Variants in GPR22 observed in about 807,000 individuals in gnomAD.
The protein encoded by GPR22 is G protein-coupled receptor 22.
GPR22 carries 13 observed loss-of-function variants against 31.0 expected under a neutral mutation model. The ratio of observed to expected loss-of-function variants is 0.42; its 90% confidence interval spans 0.27 to 0.67. The LOEUF (loss-of-function observed/expected upper bound fraction) is 0.67. Ranked by LOEUF, GPR22 falls within the 30% of genes least tolerant of loss-of-function variation. The probability of loss-of-function intolerance (pLI) is 0.25; values close to 1 mark genes in which losing one functional copy is unlikely to be tolerated. For missense variants in GPR22, 368 were observed against 509.6 expected, an observed-to-expected ratio of 0.72 and a Z score of 2.67; for synonymous variants, 191 against 173.4, an observed-to-expected ratio of 1.10 and a Z score of -0.80.
chr7:107,474,147 T>C lies in GPR22; in HGVS notation c.87T>C (p.Asn29=), dbSNP rs921607179. The part of the protein sequence containing the change: ...VRDDIDDINT[N]MYQPLSYPLS... ...ATGACATTGATGACATCAACACCAA[T>C]ATGTACCAACCACTATCATATCCGT... Residue 29 remains asparagine (N), a synonymous_variant, in exon 3 of 3, where the codon AAT becomes AAC. Transcript: ENST00000304402. The surrounding 1 kb of genome is among the most constrained non-coding windows in gnomAD (Gnocchi z 5.7). The C allele has an allele frequency of 7.5e-6, 12 of 1,609,932 alleles. No homozygotes were observed. Among genetic ancestry groups the C allele is most frequent in the Non-Finnish European group, 8.5e-6 (10 of 1,176,502 alleles).
Position 107,474,770 on chromosome 7 carries a change from C to T in GPR22, c.710C>T (p.Ala237Val). 1 of 1,610,744 alleles carries T rather than the reference C, an allele frequency of 6.2e-7. No individual in the cohort carries two copies. The highest frequency in any genetic ancestry group is 8.5e-7 in the Non-Finnish European group (1 of 1,178,456). ...MLITYTKILQ[A>V]LNIRIGTRFS... Reference sequence around the variant, plus strand: ...ATCACATACACCAAAATACTTCAGGCTCTTAATATTCGAATAGGCACAAGA... The same window carrying T: ...ATCACATACACCAAAATACTTCAGGTTCTTAATATTCGAATAGGCACAAGA... The change falls in exon 3 of 3, where the codon GCT becomes GTT. Residue 237 changes from alanine to valine, a missense_variant. Coordinates refer to ENST00000304402, the MANE Select transcript of GPR22 (RefSeq NM_005295.3). This position sits in a 1 kb window ranked among gnomAD's most constrained non-coding sequence, Gnocchi z 5.7.
At chr7:107,475,847 G>A (rs1029202985), downstream of GPR22, among the ~76,000 whole-genome samples, 1 of 151,300 alleles carries the variant, frequency 6.6e-6, no homozygotes, top group African/African-American at 2.4e-5. Context: ...TATGTTTCCT[G>A]GTATAGTGTA....
In GPR22 at chr7:107,474,626, C is replaced by G. The variant is rs763508287; in HGVS notation, c.566C>G (p.Thr189Ser). 1 of 1,610,494 alleles carries G rather than the reference C, an allele frequency of 6.2e-7. No individual in the cohort carries two copies. The highest frequency in any genetic ancestry group is 1.1e-5 in the South Asian group (1 of 90,726). ...TTTTTCAGTCTTCAAAGTGGAAATACCTGGGAAAACAAGACACTTTTATGT... is the reference window on the plus strand; with the variant it reads ...TTTTTCAGTCTTCAAAGTGGAAATAGCTGGGAAAACAAGACACTTTTATGT... ...VNFFSLQSGN[T>S]WENKTLLCVS... The change falls in exon 3 of 3, where the codon ACC becomes AGC. Residue 189 changes from threonine (T) to serine (S), a missense_variant. Transcript: ENST00000304402. This position sits in a 1 kb window ranked among gnomAD's most constrained non-coding sequence, Gnocchi z 5.7.
At chr7:107,471,173 T>C (rs1796611402) in intron 1 of GPR22, among the ~76,000 whole-genome samples, 199 bp from the exon 2 acceptor site, 1 of 152,072 alleles carries the variant, frequency 6.6e-6, no homozygotes, top group Non-Finnish European at 1.5e-5. Context: ...TTAAATAACA[T>C]AATATATACA....
Position 107,475,364 on chromosome 7 carries a change from GAA to G in GPR22, c.*5_*6del. ...GTGCCTCAGGTTGTCACAGACTAGA[GAA>G]AAGTCTCAGTTTCACCAAATCCACA... On this transcript the variant is annotated 3_prime_UTR_variant, in exon 3 of 3. Transcript: ENST00000304402. The G allele has an allele frequency of 7.2e-7, 1 of 1,382,306 alleles. No homozygotes were observed. The highest frequency in any genetic ancestry group is 9.8e-7 in the Non-Finnish European group (1 of 1,020,106). 85.6% of individuals were successfully genotyped at this position (1,382,306 alleles called of 1,614,324 possible). A position where few individuals can be genotyped will look rare whatever the true frequency, so the allele number is the denominator to read the frequency against.
Position 107,475,576 on chromosome 7 carries a change from T to C in GPR22, c.*214T>C, listed in dbSNP as rs987152132. Reference sequence around the variant, plus strand: ...GGCAGTTTGTTAAAGTACTATCATGTGTATATTTTGTCAATATTATGTCCA... The same window carrying C: ...GGCAGTTTGTTAAAGTACTATCATGCGTATATTTTGTCAATATTATGTCCA... On this transcript the variant is annotated 3_prime_UTR_variant, in exon 3 of 3. Transcript: ENST00000304402. 2 of 408,692 alleles carry C rather than the reference T, an allele frequency of 4.9e-6. No individual in the cohort carries two copies. The highest frequency in any genetic ancestry group is 9.0e-6 in the Non-Finnish European group (2 of 221,866). 25.3% of individuals were successfully genotyped at this position (408,692 alleles called of 1,614,324 possible). A position where few individuals can be genotyped will look rare whatever the true frequency, so the allele number is the denominator to read the frequency against.
In GPR22 at chr7:107,474,247, T is replaced by C. The variant is rs754550098; in HGVS notation, c.187T>C (p.Leu63=). Residue 63 remains leucine (L), a synonymous_variant, in exon 3 of 3, where the codon TTG becomes CTG. Transcript: ENST00000304402. The surrounding 1 kb of genome is among the most constrained non-coding windows in gnomAD (Gnocchi z 5.7). ...VLGLGSNLTV[L]VLYCMKSNLI... ...GGGACTTGGCAGCAACCTCACTGTATTGGTACTTTACTGCATGAAATCCAA... is the reference window on the plus strand; with the variant it reads ...GGGACTTGGCAGCAACCTCACTGTACTGGTACTTTACTGCATGAAATCCAA... 2.4e-5 allele frequency: 38 copies of C among 1,612,780 alleles called. No homozygotes were observed. Among genetic ancestry groups the C allele is most frequent in the Non-Finnish European group, 3.2e-5 (38 of 1,179,134 alleles).
At position 107,474,103 on chromosome 7, in the gene GPR22, T is replaced by A; in HGVS notation, c.43T>A (p.Ser15Thr). 1 of 1,601,446 alleles carries A rather than the reference T, an allele frequency of 6.2e-7. No individual in the cohort carries two copies. The highest frequency in any genetic ancestry group is 8.5e-7 in the Non-Finnish European group (1 of 1,172,640). The part of the protein sequence containing the change: ...PILEINMQSE[S>T]NITVRDDIDD... Reference sequence around the variant, plus strand: ...TCTGGAAATCAACATGCAGTCTGAATCTAACATTACAGTGCGAGATGACAT... The same window carrying A: ...TCTGGAAATCAACATGCAGTCTGAAACTAACATTACAGTGCGAGATGACAT... Residue 15 changes from serine to threonine, a missense_variant, in exon 3 of 3, where the codon TCT (serine) becomes ACT (threonine). Coordinates refer to ENST00000304402, the MANE Select transcript of GPR22 (RefSeq NM_005295.3). This position sits in a 1 kb window ranked among gnomAD's most constrained non-coding sequence, Gnocchi z 5.7.
intron 2 of GPR22, among the ~76,000 whole-genome samples, chr7:107,473,291 T>C (rs1175326577): frequency 6.6e-6 from 1 of 151,948 alleles, no homozygotes; most frequent in Non-Finnish European, 1.5e-5. Flanking sequence ...ACAAAATAAA[T>C]CATTTCATAG....
At chr7:107,475,723 T>C, downstream of GPR22, 1 of 176,592 alleles carries the variant, frequency 5.7e-6, no homozygotes. Flanking sequence ...TTAAAATGCA[T>C]TGTTTCTAAG....
chr7:107,472,914 ATT>A (rs1192091097), intron 2 of GPR22: 2 of 151,962 alleles, frequency 1.3e-5, no homozygotes, highest in Non-Finnish European at 2.9e-5. Context: ...GAATATACTG[ATT>A]AACTGACATT....
At chr7:107,473,109 A>C (rs1329493045) in intron 2 of GPR22, 1 of 151,870 alleles carries the variant, frequency 6.6e-6, no homozygotes, top group Non-Finnish European at 1.5e-5. Context: ...AGCTTCCTCA[A>C]AAAACGGGCT....
downstream of GPR22, among the ~76,000 whole-genome samples, chr7:107,476,412 T>C (rs1321271517): frequency 1.3e-5 from 2 of 151,512 alleles, no homozygotes; most frequent in East Asian, 3.9e-4. Context: ...CACCAAATCA[T>C]AGCTCCCAAG....
Position 107,474,025 on chromosome 7 carries a change from C to T in GPR22, c.-26-10C>T. 1 of 1,089,078 alleles carries T rather than the reference C, an allele frequency of 9.2e-7. No homozygotes were observed. Among genetic ancestry groups the T allele is most frequent in the Non-Finnish European group, 1.3e-6 (1 of 742,794 alleles). 67.5% of individuals were successfully genotyped at this position (1,089,078 alleles called of 1,614,324 possible). Reference sequence around the variant, plus strand: ...AAATATCAAATAGTTTATTCTATTTCACTTTCTAGGGAAAAAAACCAACTG... The same window carrying T: ...AAATATCAAATAGTTTATTCTATTTTACTTTCTAGGGAAAAAAACCAACTG... On this transcript the variant is annotated splice_polypyrimidine_tract_variant and intron_variant, in intron 2 of 2. Transcript: ENST00000304402. The surrounding 1 kb of genome is among the most constrained non-coding windows in gnomAD (Gnocchi z 5.7).
chr7:107,475,020 T>C lies in GPR22; in HGVS notation c.960T>C (p.Ser320=). The C allele has an allele frequency of 1.2e-6, 2 of 1,613,070 alleles. No individual in the cohort carries two copies. Among genetic ancestry groups the C allele is most frequent in the Non-Finnish European group, 1.7e-6 (2 of 1,179,304 alleles). The change falls in exon 3 of 3, where the codon TCT becomes TCC. Residue 320 remains serine (S), a synonymous_variant. Coordinates refer to ENST00000304402, the MANE Select transcript of GPR22 (RefSeq NM_005295.3). ...RVFRMSLLII[S]TFLLCWTPIS... ...TCAGGATGTCTTTATTGATTATTTC[T>C]ACATTTCTTCTCTGCTGGACACCAA...
intron 2 of GPR22, 145 bp downstream of exon 2, chr7:107,472,447 A>C (rs539736564): frequency 2.8e-4 from 42 of 152,132 alleles, no homozygotes; most frequent in African/African-American, 1.0e-3. Context: ...AACATTTACG[A>C]AAGAACAGAA....
At position 107,470,295 on chromosome 7, in the gene GPR22, C is replaced by T. The variant is rs1423538790; in HGVS notation, c.-1108C>T. 6.6e-6 allele frequency: 1 copy of T among 152,196 alleles called. No homozygotes were observed. The highest frequency in any genetic ancestry group is 1.9e-4 in the East Asian group (1 of 5,192). The allele number at this position is 152,196 out of a possible 1,614,324, so 9.4% of individuals were successfully genotyped here. A position where few individuals can be genotyped will look rare whatever the true frequency, so the allele number is the denominator to read the frequency against. On this transcript the variant is annotated 5_prime_UTR_variant, in exon 1 of 3. Coordinates refer to ENST00000304402, the MANE Select transcript of GPR22 (RefSeq NM_005295.3). ...TAGCAGTACTGCTGAAACAATGGCA[C>T]ACTACAGACACATATTTTCATTAAG...
intron 2 of GPR22, chr7:107,472,541 T>C (rs1384775997): frequency 6.6e-6 from 1 of 151,962 alleles, no homozygotes; most frequent in Non-Finnish European, 1.5e-5. Flanking sequence ...CTAACTGATG[T>C]GACAAAGACC....
chr7:107,470,918 C>A (rs1796595499), intron 1 of GPR22, among the ~76,000 whole-genome samples: 1 of 151,776 alleles, frequency 6.6e-6, no homozygotes, highest in Admixed American at 6.6e-5. Context: ...TTTATAGTAT[C>A]TTATGAAATC....
Sources: allele counts gnomAD v4.1 joint callset (sites outside exome capture counted in the v4.1 genomes callset), GRCh38; gene constraint gnomAD v4.1.1; non-coding constraint Gnocchi (gnomAD v3.1); transcripts MANE v1.5; gene names NCBI Gene and HGNC (gene_info 2026-07-23, HGNC 2026-07-21).